Variants in CNGB1 observed in about 807,000 individuals in gnomAD.
CNGB1 encodes the protein cyclic nucleotide gated channel subunit beta 1, also known as cyclic nucleotide-gated channel beta-1.
In CNGB1, 126 loss-of-function variants were observed where a neutral mutation model predicts 151.7. That is an observed-to-expected ratio of 0.83 (90% CI 0.72 to 0.96). The LOEUF is 0.96. Ranked by LOEUF, CNGB1 falls within the 40% of genes least tolerant of loss-of-function variation. The pLI is 0.00. For synonymous variants in CNGB1, 623 were observed against 635.1 expected (o/e 0.98, Z 0.29); for missense variants, 1,698 against 1,627.0 (o/e 1.04, Z -0.75).
intron 26 of CNGB1, among the ~76,000 whole-genome samples, chr16:57,904,483 C>T (rs1317501178): frequency 2.6e-5 from 4 of 152,160 alleles, no homozygotes; most frequent in African/African-American, 7.2e-5. Flanking sequence ...CTGCAGAAAA[C>T]CATTCAGCCC....
chr16:57,960,154 C>T (rs1300824147), intron 9 of CNGB1, 89 bp from the exon 10 acceptor site: 1 of 1,518,562 alleles, frequency 6.6e-7, no homozygotes, highest in Non-Finnish European at 8.8e-7. Context: ...ATTCGAGTCG[C>T]TAACAGGACT....
chr16:57,897,510 C>T lies in CNGB1; in HGVS notation c.3129G>A (p.Thr1043=), dbSNP rs748180946. 25 of 1,614,022 alleles carry T rather than the reference C, an allele frequency of 1.5e-5. No individual in the cohort carries two copies. Among genetic ancestry groups the T allele is most frequent in the Admixed American group, 6.7e-5 (4 of 59,998 alleles). The change falls in exon 31 of 33, where the codon ACG becomes ACA. Residue 1043 remains threonine (T), a synonymous_variant. Transcript: ENST00000251102. The part of the protein sequence containing the change: ...LLAVGGGNRR[T]ANVVAHGFTN... Reference sequence around the variant, plus strand: ...TAAACCCGTGCGCCACCACGTTGGCCGTGCGCCGGTTCCCGCCCCCAACAG... The same window carrying T: ...TAAACCCGTGCGCCACCACGTTGGCTGTGCGCCGGTTCCCGCCCCCAACAG...
rs563771330 is a variant in CNGB1, at chr16:57,930,620, A to T, written c.1535+1096T>A. ...AAAAAAGAAAAGAAAATAAAAGAAC[A>T]AAGAAAAGAAAATGTGGCATATCCA... On this transcript the variant is annotated intron_variant, in intron 17 of 32. Coordinates refer to ENST00000251102, the MANE Select transcript of CNGB1 (RefSeq NM_001297.5). Among the ~76,000 whole-genome samples, 3 of 152,240 alleles carry T rather than the reference A, an allele frequency of 2.0e-5. No homozygotes were observed. The East Asian group carries it at 5.8e-4, about 29-fold the overall frequency.
chr16:57,939,345 G>A, intron 16 of CNGB1, 85 bp downstream of exon 16: 1 of 1,579,208 alleles, frequency 6.3e-7, no homozygotes. Flanking sequence ...GAGGAGGAGG[G>A]GTTGCCCCTG....
chr16:57,955,085 G>A, intron 12 of CNGB1: 3 of 1,374,176 alleles, frequency 2.2e-6, no homozygotes, highest in Non-Finnish European at 2.8e-6. Flanking sequence ...GGTAAGTCCT[G>A]CTGTCTAGCC....
At chr16:57,929,661 G>A (rs963801351) in intron 17 of CNGB1, among the ~76,000 whole-genome samples, 5 of 152,168 alleles carry the variant, frequency 3.3e-5, no homozygotes, top group African/African-American at 7.2e-5. Context: ...GAGCAAATGC[G>A]GAGGGGCCAC....
chr16:57,960,596 C>T (rs1284270299), intron 8 of CNGB1, 66 bp from the exon 9 acceptor site: 5 of 1,588,444 alleles, frequency 3.1e-6, no homozygotes, highest in Admixed American at 1.7e-5. Flanking sequence ...CCAACCGCCA[C>T]TACCAGCTGT....
intron 16 of CNGB1, among the ~76,000 whole-genome samples, chr16:57,932,560 G>A (rs1438706940): frequency 3.3e-5 from 5 of 151,190 alleles, no homozygotes; most frequent in South Asian, 2.1e-4. Flanking sequence ...CCGCCACCAC[G>A]CCCGGCTAGT....
In CNGB1 at chr16:57,884,308, G is replaced by T. The variant is rs774103056; in HGVS notation, c.3612C>A (p.Ser1204=). 6.2e-7 allele frequency: 1 copy of T among 1,612,624 alleles called. No homozygotes were observed. Among genetic ancestry groups the T allele is most frequent in the South Asian group, 1.1e-5 (1 of 91,032 alleles). ...CCTCCTCTCCCTCCGGCCTCCCAAG[G>T]GAGGCAGGCGGTGGAGAGCTCGGTG... is the stretch of plus-strand genomic sequence containing the variant. ...GSPPSSPPPA[S]LGRPEGEEEG... The change falls in exon 33 of 33, where the codon TCC becomes TCA. Residue 1204 remains serine, a synonymous_variant. Transcript: ENST00000251102.
At chr16:57,947,168 G>A (rs915056133) in intron 14 of CNGB1, among the ~76,000 whole-genome samples, 7 of 152,206 alleles carry the variant, frequency 4.6e-5, no homozygotes, top group Non-Finnish European at 7.3e-5. Flanking sequence ...AGATATGTGT[G>A]TGTGTGCCCA....
intron 21 of CNGB1, 85 bp from the exon 22 acceptor site, chr16:57,916,264 A>G: frequency 7.4e-7 from 1 of 1,346,406 alleles, no homozygotes; most frequent in Non-Finnish European, 1.1e-6. Context: ...TTCCCCAAGA[A>G]CCCCACCCTG....
intron 29 of CNGB1, among the ~76,000 whole-genome samples, chr16:57,899,497 G>A (rs113103606): frequency 0.011 from 1,654 of 152,190 alleles, 26 homozygotes; most frequent in African/African-American, 0.038. Flanking sequence ...AAAATGAGCC[G>A]GGCATGGTGG....
chr16:57,904,066 C>A, intron 26 of CNGB1, 85 bp from the exon 27 acceptor site: 1 of 1,273,982 alleles, frequency 7.8e-7, no homozygotes, highest in Middle Eastern at 2.5e-4. Flanking sequence ...TGTGTCACTT[C>A]ACACAGACCA....
At chr16:57,911,641 G>T (rs1432873282) in intron 25 of CNGB1, 112 bp downstream of exon 25, 1 of 1,442,754 alleles carries the variant, frequency 6.9e-7, no homozygotes, top group African/African-American at 1.4e-5. Flanking sequence ...GGAGCAAAGT[G>T]GCCTTGGCAA....
chr16:57,939,293 C>G, intron 16 of CNGB1, 137 bp downstream of exon 16: 1 of 1,211,108 alleles, frequency 8.3e-7, no homozygotes, highest in Non-Finnish European at 1.2e-6. Flanking sequence ...TTCCTGAAGA[C>G]AGGGTGGCTG....
intron 31 of CNGB1, among the ~76,000 whole-genome samples, chr16:57,896,465 A>G (rs1459688849): frequency 6.6e-6 from 1 of 152,154 alleles, no homozygotes; most frequent in African/African-American, 2.4e-5. Context: ...CTGTAATCCC[A>G]GCACTTTGGG....
chr16:57,905,103 G>A (rs1425020141), intron 25 of CNGB1, among the ~76,000 whole-genome samples: 1 of 152,188 alleles, frequency 6.6e-6, no homozygotes, highest in Non-Finnish European at 1.5e-5. Flanking sequence ...GGGACATGTT[G>A]CCATCCCCAT....
intron 25 of CNGB1, among the ~76,000 whole-genome samples, chr16:57,906,654 C>T (rs985884830): frequency 2.0e-5 from 3 of 152,216 alleles, no homozygotes; most frequent in Admixed American, 1.3e-4. Flanking sequence ...CAGCGTTTAG[C>T]GGGACGGAGC....
intron 31 of CNGB1, among the ~76,000 whole-genome samples, chr16:57,895,947 C>T (rs1960211888): frequency 3.3e-5 from 5 of 152,088 alleles, no homozygotes; most frequent in Admixed American, 3.3e-4. Flanking sequence ...TCAAGTAAAT[C>T]CATGCCTATA....
Sources: gnomAD v4.1 joint callset for allele counts (sites outside exome capture counted in the v4.1 genomes callset) on GRCh38, gnomAD v4.1.1 for gene constraint, MANE v1.5 for transcripts, NCBI Gene and HGNC (gene_info 2026-07-23, HGNC 2026-07-21) for gene names.